APOL5: variants seen among roughly 807,000 people sequenced by gnomAD.
The protein encoded by APOL5 is apolipoprotein L, 5.
In APOL5, 29 loss-of-function variants were observed where a neutral mutation model predicts 35.5. The ratio of observed to expected loss-of-function variants is 0.82; its 90% CI spans 0.61 to 1.11. The LOEUF (loss-of-function observed/expected upper bound fraction) is 1.11, where lower values mean the gene tolerates loss of function less well. Among genes scored for constraint, APOL5 ranks in the 50% most tolerant of loss-of-function variants. The probability of loss-of-function intolerance (pLI) is 0.00; values close to 1 mark genes in which losing one functional copy is unlikely to be tolerated. For missense variants in APOL5, 514 were observed against 530.4 expected (o/e 0.97, Z 0.30); for synonymous variants, 188 against 200.2 (o/e 0.94, Z 0.51).
At chr22:35,717,478 G>A (rs4239880), upstream of APOL5, among the ~76,000 whole-genome samples, 105,343 of 147,830 alleles carry the variant, frequency 0.71, 38,211 homozygotes, top group African/African-American at 0.83. Flanking sequence ...AGTGGCTCAC[G>A]CCTGTAATCC....
intron 1 of APOL5, 35 bp from the exon 2 acceptor site, chr22:35,720,533 A>G: frequency 6.2e-7 from 1 of 1,605,100 alleles, no homozygotes; most frequent in Non-Finnish European, 8.5e-7. Flanking sequence ...GAGATGACTC[A>G]AGAAGAAATG....
At chr22:35,720,719 C>T (rs1316600678) in intron 2 of APOL5, 65 bp downstream of exon 2, 5 of 1,166,918 alleles carry the variant, frequency 4.3e-6, no homozygotes, top group Non-Finnish European at 6.3e-6. Flanking sequence ...CAGTGTCTGT[C>T]ACAGACCCAG....
the APOL5 span, among the ~76,000 whole-genome samples, chr22:35,708,632 A>T: frequency 6.6e-6 from 1 of 152,190 alleles, no homozygotes; most frequent in Non-Finnish European, 1.5e-5. Context: ...GAAGGGGCAG[A>T]GCCGTCCATG....
At chr22:35,711,964 C>T in the APOL5 span, among the ~76,000 whole-genome samples, 10 of 152,040 alleles carry the variant, frequency 6.6e-5, no homozygotes, top group South Asian at 1.2e-3. Context: ...TGTGAGCCAC[C>T]GCGCCCAGCC....
At chr22:35,713,500 T>C (rs56661926), upstream of APOL5, among the ~76,000 whole-genome samples, 29 of 152,184 alleles carry the variant, frequency 1.9e-4, no homozygotes, top group East Asian at 5.2e-3. Context: ...CCCTCTAAGC[T>C]CTCCATCCTC....
At chr22:35,717,008 G>GTCCC (rs374918096), upstream of APOL5, among the ~76,000 whole-genome samples, 1 of 150,440 alleles carries the variant, frequency 6.6e-6, no homozygotes, top group Middle Eastern at 3.2e-3. Flanking sequence ...GTGTTGTGTT[G>GTCCC]TGCCGTTGTG....
Position 35,727,199 on chromosome 22 carries a change from G to T in APOL5, c.1126+5G>T. Reference sequence around the variant, plus strand: ...CCCGTGTGGTTAAACCAGAAGGTAGGAAGGCAGCGAATAACACGGACGTGG... The same window carrying T: ...CCCGTGTGGTTAAACCAGAAGGTAGTAAGGCAGCGAATAACACGGACGTGG... On this transcript the variant is annotated splice_donor_5th_base_variant and intron_variant, in intron 3 of 4. Coordinates refer to ENST00000249044, the MANE Select transcript of APOL5 (RefSeq NM_030642.1). 1 of 1,592,388 alleles carries T rather than the reference G, an allele frequency of 6.3e-7. No individual in the cohort carries two copies.
chr22:35,724,824 T>G (rs1927094210), intron 2 of APOL5, among the ~76,000 whole-genome samples: 1 of 152,170 alleles, frequency 6.6e-6, no homozygotes, highest in Non-Finnish European at 1.5e-5. Flanking sequence ...TTGGTCAGGC[T>G]GGTCTTGACC....
the APOL5 span, among the ~76,000 whole-genome samples, chr22:35,710,000 G>A: frequency 1.3e-5 from 2 of 151,750 alleles, no homozygotes; most frequent in Non-Finnish European, 2.9e-5. Flanking sequence ...ATTAATTACA[G>A]AAGAATGATA....
chr22:35,726,625 T>C lies in APOL5; in HGVS notation c.557T>C (p.Val186Ala). 6.2e-7 allele frequency: 1 copy of C among 1,614,104 alleles called. No individual in the cohort carries two copies. Among genetic ancestry groups the C allele is most frequent in the Non-Finnish European group, 8.5e-7 (1 of 1,180,018 alleles). The change falls in exon 3 of 5, where the codon GTA (valine) becomes GCA (alanine). Residue 186 changes from valine (V) to alanine (A), a missense_variant. Physicochemically the swap from Val to Ala is moderately conservative, Grantham distance 64. This residue lies in a region of APOL5 where 254 missense variants were observed against 254.7 expected (regional missense o/e 1.00). Coordinates refer to ENST00000249044, the MANE Select transcript of APOL5 (RefSeq NM_030642.1). ...GCAGCAGCTGCCATCACCAACATAG[T>C]AACAAATGTCTTAGAAAATAGAAGC... Reference protein sequence around the residue: ...LGAAAAITNIVTNVLENRSNS... With the variant: ...LGAAAAITNIATNVLENRSNS...
chr22:35,726,749 C>T lies in APOL5; in HGVS notation c.681C>T (p.Gly227=), dbSNP rs1927177342. The part of the protein sequence containing the change: ...GINWSEIEAA[G]FCVNKCVKAI... ...ATTGGTCTGAAATCGAGGCTGCTGG[C>T]TTTTGTGTTAATAAGTGTGTAAAAG... The change falls in exon 3 of 5, where the codon GGC becomes GGT. Residue 227 remains glycine (G), a synonymous_variant. Coordinates refer to ENST00000249044, the MANE Select transcript of APOL5 (RefSeq NM_030642.1). The T allele has an allele frequency of 6.2e-7, 1 of 1,614,200 alleles. No individual in the cohort carries two copies. Among genetic ancestry groups the T allele is most frequent in the Non-Finnish European group, 8.5e-7 (1 of 1,180,038 alleles).
chr22:35,718,364 TCC>T (rs1308023817), intron 1 of APOL5, among the ~76,000 whole-genome samples: 2 of 152,132 alleles, frequency 1.3e-5, no homozygotes, highest in Non-Finnish European at 2.9e-5. Context: ...ATGCCTGTAA[TCC>T]CAACACTTTG....
chr22:35,714,044 G>C (rs1399083063), upstream of APOL5, among the ~76,000 whole-genome samples: 1 of 152,174 alleles, frequency 6.6e-6, no homozygotes, highest in African/African-American at 2.4e-5. Context: ...GGGCGCGGTG[G>C]CTCAAGCCTG....
intron 3 of APOL5, 82 bp from the exon 4 acceptor site, chr22:35,728,641 G>A: frequency 6.7e-7 from 1 of 1,489,530 alleles, no homozygotes; most frequent in Non-Finnish European, 9.1e-7. Context: ...TTTGCTCTCT[G>A]GGGACATATT....
chr22:35,726,704 T>A lies in APOL5; in HGVS notation c.636T>A (p.His212Gln). The change falls in exon 3 of 5, where the codon CAT (histidine) becomes CAA (glutamine). Residue 212 changes from histidine to glutamine, a missense_variant. Physicochemically the swap from His to Gln is conservative, Grantham distance 24. This residue lies in a region of APOL5 where 254 missense variants were observed against 254.7 expected (regional missense o/e 1.00). Transcript: ENST00000249044. ...ASRLGPLTTS[H>Q]EAFGGINWSE... ...GACTGGGGCCTCTGACAACATCACA[T>A]GAGGCTTTCGGAGGAATAAATTGGT... The A allele has an allele frequency of 1.2e-5, 19 of 1,614,218 alleles. No individual in the cohort carries two copies. The highest frequency in any genetic ancestry group is 1.6e-5 in the Non-Finnish European group (19 of 1,180,036).
chr22:35,728,764 C>T lies in APOL5; in HGVS notation c.1168C>T (p.Pro390Ser), dbSNP rs1181064349. 1.2e-6 allele frequency: 2 copies of T among 1,613,608 alleles called. No homozygotes were observed. Among genetic ancestry groups the T allele is most frequent in the South Asian group, 1.1e-5 (1 of 90,884 alleles). ...PLPWPVVEHQ[P>S]RLGPGVALRT... Reference sequence around the variant, plus strand: ...CCCCTGGCCTGTTGTGGAGCACCAGCCTAGGCTGGGCCCTGGCGTGGCACT... The same window carrying T: ...CCCCTGGCCTGTTGTGGAGCACCAGTCTAGGCTGGGCCCTGGCGTGGCACT... The change falls in exon 4 of 5, where the codon CCT becomes TCT. Residue 390 changes from proline to serine, a missense_variant. Around this residue, in one of 3 missense-constraint regions of APOL5, gnomAD observed 238 missense variants for 229.1 expected, o/e 1.04. Transcript: ENST00000249044.
At chr22:35,708,722 C>A in the APOL5 span, among the ~76,000 whole-genome samples, 1 of 152,142 alleles carries the variant, frequency 6.6e-6, no homozygotes, top group Admixed American at 6.6e-5. Flanking sequence ...AATATTTATG[C>A]AACTCCCTTG....
intron 2 of APOL5, among the ~76,000 whole-genome samples, chr22:35,723,507 C>T (rs1288541048): frequency 1.3e-5 from 2 of 152,172 alleles, no homozygotes; most frequent in African/African-American, 2.4e-5. Context: ...ATTCTTTTTT[C>T]GAACTACAGG....
At chr22:35,722,879 T>C (rs1927021683) in intron 2 of APOL5, among the ~76,000 whole-genome samples, 1 of 152,148 alleles carries the variant, frequency 6.6e-6, no homozygotes, top group South Asian at 2.1e-4. Flanking sequence ...GCCATCTGTG[T>C]ACAAGGCGAT....
Sources: allele counts gnomAD v4.1 joint callset (sites outside exome capture counted in the v4.1 genomes callset), GRCh38; gene constraint gnomAD v4.1.1; regional missense constraint gnomAD v4.1.1; transcripts MANE v1.5; gene names NCBI Gene and HGNC (gene_info 2026-07-23, HGNC 2026-07-21).